HSPA4: variants seen among roughly 807,000 people sequenced by gnomAD.
The protein encoded by HSPA4 is heat shock protein family A (Hsp70) member 4.
In HSPA4, 25 loss-of-function variants were observed where a neutral mutation model predicts 106.2. That is an observed-to-expected ratio of 0.24 (90% confidence interval 0.17 to 0.33). The LOEUF (loss-of-function observed/expected upper bound fraction) is 0.33. HSPA4 is among the 10% of genes least tolerant of loss of function. The pLI is 1.00. For synonymous variants in HSPA4, 332 were observed against 333.6 expected, an observed-to-expected ratio of 1.00 and a Z score of 0.05; for missense variants, 841 against 996.0, an observed-to-expected ratio of 0.84 and a Z score of 2.10.
intron 1 of HSPA4, among the ~76,000 whole-genome samples, chr5:133,054,271 C>T (rs1445741784): frequency 2.0e-5 from 3 of 152,042 alleles, no homozygotes; most frequent in African/African-American, 7.2e-5. Context: ...GGCGTAATCT[C>T]GGCTCACTGC....
intron 1 of HSPA4, 37 bp downstream of exon 1, chr5:133,052,394 TAGG>T: frequency 7.7e-7 from 1 of 1,300,094 alleles, no homozygotes; most frequent in South Asian, 1.3e-5. Flanking sequence ...GCACTGGGGT[TAGG>T]AGATAATGCT....
At chr5:133,102,913 C>CTT (rs533273263) in intron 17 of HSPA4, among the ~76,000 whole-genome samples, 44 of 103,304 alleles carry the variant, frequency 4.3e-4, no homozygotes, top group African/African-American at 1.8e-3. Flanking sequence ...CTAGGGTTGT[C>CTT]TTTTTTTTTT....
intron 1 of HSPA4, chr5:133,052,681 CT>C: frequency 3.5e-6 from 1 of 288,692 alleles, no homozygotes. Context: ...GATCGCGGTC[CT>C]TTTCTTGAGG....
At chr5:133,055,307 ATTTTT>A (rs397999293) in intron 1 of HSPA4, among the ~76,000 whole-genome samples, 2,423 of 59,652 alleles carry the variant, frequency 0.041, 35 homozygotes, top group African/African-American at 0.072. Flanking sequence ...AGGAAGGTTG[ATTTTT>A]TTTTTTTTTT....
intron 1 of HSPA4, among the ~76,000 whole-genome samples, chr5:133,058,045 T>TAGATAATA (rs1169253133): frequency 6.6e-6 from 1 of 152,116 alleles, no homozygotes; most frequent in Non-Finnish European, 1.5e-5. Flanking sequence ...CAAATAGGAT[T>TAGATAATA]AGATAATACA....
At chr5:133,064,411 C>T (rs1561576934) in intron 1 of HSPA4, among the ~76,000 whole-genome samples, 1 of 151,846 alleles carries the variant, frequency 6.6e-6, no homozygotes, top group Non-Finnish European at 1.5e-5. Flanking sequence ...GAGGCTGAGG[C>T]ATGAAAATCA....
Position 133,092,755 on chromosome 5 carries a change from C to T in HSPA4, c.1616C>T (p.Pro539Leu), listed in dbSNP as rs368374985. 52 of 1,609,276 alleles carry T rather than the reference C, an allele frequency of 3.2e-5. No individual in the cohort carries two copies. In the African/African-American group the frequency reaches 4.2e-4, roughly 13 times the overall value. Residue 539 changes from proline (P) to leucine (L), a missense_variant, in exon 13 of 19, where the codon CCA (proline) becomes CTA (leucine). Around this residue, in one of 5 missense-constraint regions of HSPA4, gnomAD observed 328 missense variants for 372.2 expected, o/e 0.88. Coordinates refer to ENST00000304858, the MANE Select transcript of HSPA4 (RefSeq NM_002154.4). The stretch of plus-strand genomic sequence containing the variant: ...GTTGAAGAGCAACAGCAGCAGACAC[C>T]AGCAGAAAATAAGGCAGAGTCTGAA... ...PHVEEQQQQT[P>L]AENKAESEEM... is the part of the protein sequence containing the mutation.
At chr5:133,100,252 CAG>C (rs148612684) in intron 16 of HSPA4, among the ~76,000 whole-genome samples, 1,991 of 151,728 alleles carry the variant, frequency 0.013, 43 homozygotes, top group African/African-American at 0.046. Flanking sequence ...TTAGTAGAGA[CAG>C]GGTTTCTTTT....
At chr5:133,054,622 A>G (rs1256495450) in intron 1 of HSPA4, among the ~76,000 whole-genome samples, 2 of 151,518 alleles carry the variant, frequency 1.3e-5, no homozygotes, top group Non-Finnish European at 2.9e-5. Flanking sequence ...CATTTTTATC[A>G]CTCCCCCAAA....
intron 3 of HSPA4, among the ~76,000 whole-genome samples, chr5:133,069,628 A>G (rs1051024792): frequency 3.9e-5 from 6 of 152,202 alleles, no homozygotes; most frequent in Non-Finnish European, 8.8e-5. Context: ...GCAGTGAACA[A>G]TCAGACAAAT....
At chr5:133,064,716 G>A (rs1765287096) in intron 1 of HSPA4, among the ~76,000 whole-genome samples, 1 of 152,096 alleles carries the variant, frequency 6.6e-6, no homozygotes, top group Non-Finnish European at 1.5e-5. Flanking sequence ...TTAGAGGATG[G>A]TAGAGACTGT....
intron 12 of HSPA4, 97 bp downstream of exon 12, chr5:133,091,471 C>A: frequency 1.2e-6 from 1 of 867,682 alleles, no homozygotes; most frequent in Non-Finnish European, 1.8e-6. Flanking sequence ...AGCATTGTGA[C>A]AGAGCTGCTG....
chr5:133,080,396 G>A (rs1765499131), intron 7 of HSPA4, among the ~76,000 whole-genome samples: 1 of 124,952 alleles, frequency 8.0e-6, no homozygotes, highest in Non-Finnish European at 1.6e-5. Flanking sequence ...CAGCCAGGGT[G>A]ATGAGAGTGA....
At chr5:133,053,660 C>T (rs1374526879) in intron 1 of HSPA4, among the ~76,000 whole-genome samples, 1 of 145,274 alleles carries the variant, frequency 6.9e-6, no homozygotes, top group South Asian at 2.2e-4. Context: ...CAGGGGCTCA[C>T]TTGTTATTGA....
intron 3 of HSPA4, among the ~76,000 whole-genome samples, chr5:133,070,047 C>T (rs1053990955): frequency 2.6e-5 from 4 of 151,806 alleles, no homozygotes; most frequent in African/African-American, 9.7e-5. Context: ...TGTGCTTTTG[C>T]TCCCCGCTAC....
chr5:133,066,135 T>G (rs992201016), intron 2 of HSPA4, among the ~76,000 whole-genome samples: 1 of 152,262 alleles, frequency 6.6e-6, no homozygotes, highest in Admixed American at 6.5e-5. Context: ...TTAAACCTGC[T>G]TTTCATGATT....
intron 13 of HSPA4, 137 bp downstream of exon 13, chr5:133,092,926 TTC>T: frequency 1.7e-6 from 1 of 574,132 alleles, no homozygotes; most frequent in Non-Finnish European, 3.0e-6. Context: ...GTTCAAGTGA[TTC>T]TCCTACCTCA....
intron 16 of HSPA4, 200 bp from the exon 17 acceptor site, chr5:133,101,559 C>T (rs578090450): frequency 6.8e-5 from 31 of 453,228 alleles, no homozygotes; most frequent in East Asian, 5.4e-4. Flanking sequence ...CAAATTGAAG[C>T]GATTCCAGAT....
chr5:133,067,657 A>G (rs1765325506), intron 3 of HSPA4, 100 bp downstream of exon 3: 5 of 1,043,476 alleles, frequency 4.8e-6, no homozygotes, highest in Admixed American at 2.4e-5. Flanking sequence ...TGCAATGAAA[A>G]TGCTTACAGT....
Sources: gnomAD v4.1 joint callset for allele counts (sites outside exome capture counted in the v4.1 genomes callset) on GRCh38, gnomAD v4.1.1 for gene constraint, gnomAD v4.1.1 regional missense constraint, MANE v1.5 for transcripts, NCBI Gene and HGNC (gene_info 2026-07-23, HGNC 2026-07-21) for gene names.